Variants in ITK observed in about 807,000 individuals in gnomAD.
The protein encoded by ITK is IL2 inducible T cell kinase.
A neutral mutation model predicts 87.6 loss-of-function variants in ITK; 45 were observed. That is an observed-to-expected ratio of 0.51 (90% CI 0.40 to 0.66). The LOEUF (loss-of-function observed/expected upper bound fraction) is 0.66. Ranked by LOEUF, ITK falls within the 30% of genes least tolerant of loss-of-function variation. ITK has a pLI of 0.00. For missense variants in ITK, 605 were observed against 766.3 expected, an observed-to-expected ratio of 0.79 and a Z score of 2.48; for synonymous variants, 303 against 273.6, an observed-to-expected ratio of 1.11 and a Z score of -1.06.
At chr5:157,186,766 GATATCTCTCACCTGGGACTGTCAGC>G (rs1753652844) in intron 1 of ITK, among the ~76,000 whole-genome samples, 1 of 151,686 alleles carries the variant, frequency 6.6e-6, no homozygotes, top group Non-Finnish European at 1.5e-5. Context: ...ATTCCCACAG[GATATCTCTCACCTGGGACTGTCAGC>G]ATATCTATCA....
At chr5:157,219,056 G>A (rs1262466532) in intron 5 of ITK, among the ~76,000 whole-genome samples, 2 of 150,632 alleles carry the variant, frequency 1.3e-5, no homozygotes, top group Admixed American at 1.3e-4. Flanking sequence ...TGACCTTTAG[G>A]TAGGGAATAT....
intron 1 of ITK, among the ~76,000 whole-genome samples, chr5:157,201,693 A>AT (rs2113747222): frequency 6.6e-6 from 1 of 151,820 alleles, no homozygotes; most frequent in East Asian, 1.9e-4. Flanking sequence ...GATTGAGAAA[A>AT]AAAAGTAGAA....
chr5:157,217,333 A>G (rs986677701), intron 4 of ITK, among the ~76,000 whole-genome samples: 3 of 152,202 alleles, frequency 2.0e-5, no homozygotes, highest in Admixed American at 6.5e-5. Flanking sequence ...AGTTTGAAAG[A>G]GGCAGAAAGA....
intron 3 of ITK, among the ~76,000 whole-genome samples, chr5:157,212,655 C>T (rs1754213580): frequency 6.6e-6 from 1 of 152,162 alleles, no homozygotes; most frequent in Non-Finnish European, 1.5e-5. Flanking sequence ...CACTGCACTT[C>T]AGCCTGAGCA....
chr5:157,206,490 A>G (rs1754082475), intron 1 of ITK, among the ~76,000 whole-genome samples: 1 of 152,100 alleles, frequency 6.6e-6, no homozygotes, highest in Admixed American at 6.5e-5. Flanking sequence ...CATCTGGTAG[A>G]ATTCGGCTGT....
chr5:157,222,860 C>T lies in ITK; in HGVS notation c.496-3C>T. Reference sequence around the variant, plus strand: ...GCTTGGTTTTGTTGTCTCTCTTCCCCAGCGACCACTTTGGGAACCTGAAGA... The same window carrying T: ...GCTTGGTTTTGTTGTCTCTCTTCCCTAGCGACCACTTTGGGAACCTGAAGA... On this transcript the variant is annotated splice_polypyrimidine_tract_variant and splice_region_variant and intron_variant, in intron 5 of 16. Coordinates refer to ENST00000422843, the MANE Select transcript of ITK (RefSeq NM_005546.4). 1 of 1,613,922 alleles carries T rather than the reference C, an allele frequency of 6.2e-7. No individual in the cohort carries two copies. Among genetic ancestry groups the T allele is most frequent in the Non-Finnish European group, 8.5e-7 (1 of 1,179,964 alleles).
intron 9 of ITK, among the ~76,000 whole-genome samples, chr5:157,238,592 T>G (rs150672746): frequency 2.5e-4 from 38 of 152,334 alleles, no homozygotes; most frequent in Non-Finnish European, 4.7e-4. Flanking sequence ...GAGTCTTTAT[T>G]ATGTGCCAGA....
intron 1 of ITK, 31 bp downstream of exon 1, chr5:157,181,146 G>C (rs199521747): frequency 6.2e-7 from 1 of 1,612,648 alleles, no homozygotes; most frequent in African/African-American, 1.3e-5. Flanking sequence ...GTCTTTTTTC[G>C]CATAGCATTT....
chr5:157,223,843 G>T (rs1041469802), intron 6 of ITK, among the ~76,000 whole-genome samples: 1 of 152,120 alleles, frequency 6.6e-6, no homozygotes, highest in Non-Finnish European at 1.5e-5. Flanking sequence ...AAGGTATGAG[G>T]TTATTATTAA....
intron 7 of ITK, among the ~76,000 whole-genome samples, chr5:157,229,779 T>A (rs1754613317): frequency 2.0e-5 from 3 of 152,182 alleles, no homozygotes; most frequent in Admixed American, 1.3e-4. Context: ...CCGGGTGTGA[T>A]GGCACACGCC....
chr5:157,235,765 G>T (rs13169497), intron 8 of ITK, among the ~76,000 whole-genome samples: 3,626 of 152,296 alleles, frequency 0.024, 52 homozygotes, highest in African/African-American at 0.03. Context: ...CAGTCCATCT[G>T]TTCACAATAA....
At chr5:157,242,903 C>T (rs183711912) in intron 11 of ITK, among the ~76,000 whole-genome samples, 77 of 152,346 alleles carry the variant, frequency 5.1e-4, no homozygotes, top group Non-Finnish European at 8.5e-4. Flanking sequence ...ATACTGCCTG[C>T]TGTTGAGTCT....
At chr5:157,239,565 G>C (rs531045235) in intron 9 of ITK, among the ~76,000 whole-genome samples, 1 of 152,276 alleles carries the variant, frequency 6.6e-6, no homozygotes, top group East Asian at 1.9e-4. Context: ...TTATCAGTTA[G>C]GGAAAGAGCC....
chr5:157,240,179 C>A lies in ITK; in HGVS notation c.969C>A (p.His323Gln). ...FDSIPLLINY[H>Q]QHNGGGLVTR... ...CCATCCCTCTTCTCATCAACTATCA[C>A]CAACATAATGGAGGAGGTAAGCTCT... Residue 323 changes from histidine to glutamine, a missense_variant, in exon 10 of 17, where the codon CAC becomes CAA. Transcript: ENST00000422843. The A allele has an allele frequency of 6.2e-7, 1 of 1,614,142 alleles. No homozygotes were observed. The highest frequency in any genetic ancestry group is 1.1e-5 in the South Asian group (1 of 91,084).
chr5:157,243,563 A>G, intron 11 of ITK, 60 bp from the exon 12 acceptor site: 1 of 1,401,246 alleles, frequency 7.1e-7, no homozygotes, highest in Non-Finnish European at 1.0e-6. Flanking sequence ...GTCCCCTGGT[A>G]TCCCAATACC....
intron 6 of ITK, among the ~76,000 whole-genome samples, chr5:157,224,025 T>C (rs989811799): frequency 2.0e-5 from 3 of 152,218 alleles, no homozygotes; most frequent in Non-Finnish European, 2.9e-5. Flanking sequence ...GGCTCACGCC[T>C]GTAATCCCAG....
chr5:157,228,992 C>A (rs1250202574), intron 7 of ITK, among the ~76,000 whole-genome samples: 1 of 152,034 alleles, frequency 6.6e-6, no homozygotes, highest in Non-Finnish European at 1.5e-5. Flanking sequence ...TTGATGAAAT[C>A]TGGGACAATT....
rs1221821563 is a variant in ITK at position 157,240,506 on chromosome 5, G to A, written c.985+311G>A. The stretch of plus-strand genomic sequence containing the variant: ...AAAGGTTGGGGACTGCTGCTCTAGA[G>A]GACAAAGCCAGAGGGCACCTGGGTT... On this transcript the variant is annotated intron_variant, in intron 10 of 16. Transcript: ENST00000422843. 1.8e-5 allele frequency: 8 copies of A among 436,984 alleles called. No homozygotes were observed. The East Asian group carries it at 3.7e-4, about 20-fold the overall frequency. The allele number at this position is 436,984 out of a possible 1,614,324, so 27.1% of individuals were successfully genotyped here.
Position 157,244,355 on chromosome 5 carries a change from C to T in ITK, c.1326C>T (p.Cys442=), listed in dbSNP as rs750300086. The T allele has an allele frequency of 1.9e-6, 3 of 1,614,052 alleles. No homozygotes were observed. The Middle Eastern group carries it at 4.9e-4, about 266-fold the overall frequency. ...CLVFEFMEHG[C]LSDYLRTQRG... ...TGTTTGAGTTCATGGAGCACGGCTG[C>T]CTGTCAGATTATCTACGCACCCAGC... The change falls in exon 13 of 17, where the codon TGC becomes TGT. Residue 442 remains cysteine (C), a synonymous_variant. Transcript: ENST00000422843.
Sources: allele counts gnomAD v4.1 joint callset (sites outside exome capture counted in the v4.1 genomes callset), GRCh38; gene constraint gnomAD v4.1.1; transcripts MANE v1.5; gene names NCBI Gene and HGNC (gene_info 2026-07-23, HGNC 2026-07-21).